The following RPTOR variants were observed in gnomAD, a reference collection of about 807,000 sequenced individuals.
RPTOR encodes regulatory associated protein of MTOR complex 1.
In RPTOR, 21 loss-of-function variants were observed where a neutral mutation model predicts 169.9. The observed-to-expected ratio is 0.12, with a 90% confidence interval of 0.09 to 0.18. RPTOR has a LOEUF of 0.18. Ranked by LOEUF, RPTOR falls within the 10% of genes least tolerant of loss-of-function variation. The probability of loss-of-function intolerance (pLI) is 1.00; values close to 1 mark genes in which losing one functional copy is unlikely to be tolerated. For synonymous variants in RPTOR, 732 were observed against 753.2 expected, an observed-to-expected ratio of 0.97 and a Z score of 0.46; for missense variants, 1,133 against 1,855.9, an observed-to-expected ratio of 0.61 and a Z score of 7.16.
chr17:80,583,093 T>C (rs1254870903), intron 1 of RPTOR, among the ~76,000 whole-genome samples: 2 of 151,664 alleles, frequency 1.3e-5, no homozygotes, highest in Non-Finnish European at 2.9e-5. Context: ...ATATTCTCAG[T>C]TATACTTTCA....
rs1268955320 is a variant in RPTOR at position 80,562,533 on chromosome 17, C to A, written c.162+16742C>A. 1.3e-5 allele frequency among the ~76,000 whole-genome samples: 2 copies of A among 152,210 alleles called. No homozygotes were observed. The highest frequency in any genetic ancestry group is 2.9e-5 in the Non-Finnish European group (2 of 68,042). Reference sequence around the variant, plus strand: ...GAGCAGTGGCTCATGCGTGTAATCCCAGCACTTTGGGAGGCTGAGGCGGAC... The same window carrying A: ...GAGCAGTGGCTCATGCGTGTAATCCAAGCACTTTGGGAGGCTGAGGCGGAC... On this transcript the variant is annotated intron_variant, in intron 1 of 33. Transcript: ENST00000306801. The surrounding 1 kb of genome is among the most constrained non-coding windows in gnomAD (Gnocchi z 4.4).
At chr17:80,896,723 C>A (rs907791839) in intron 20 of RPTOR, among the ~76,000 whole-genome samples, 3 of 152,346 alleles carry the variant, frequency 2.0e-5, no homozygotes, top group African/African-American at 7.2e-5. Flanking sequence ...GTGTCGACAG[C>A]AGCCTCACTG....
At chr17:80,706,853 A>G (rs981682737) in intron 3 of RPTOR, among the ~76,000 whole-genome samples, 1 of 152,230 alleles carries the variant, frequency 6.6e-6, no homozygotes, top group Non-Finnish European at 1.5e-5. Flanking sequence ...CCACCCAAGC[A>G]GGGAGCATCT....
In RPTOR at chr17:80,651,276, C is replaced by T. The variant is rs947714578; in HGVS notation, c.348+7466C>T. 1.3e-5 allele frequency among the ~76,000 whole-genome samples: 2 copies of T among 152,158 alleles called. No individual in the cohort carries two copies. On this transcript the variant is annotated intron_variant, in intron 3 of 33. Coordinates refer to ENST00000306801, the MANE Select transcript of RPTOR (RefSeq NM_020761.3). The surrounding 1 kb of genome is among the most constrained non-coding windows in gnomAD (Gnocchi z 4.1). Reference sequence around the variant, plus strand: ...TTGGAGGTGACGATGAGGAACCCACCGTATGCTCGCCATATGCAACTAGGA... The same window carrying T: ...TTGGAGGTGACGATGAGGAACCCACTGTATGCTCGCCATATGCAACTAGGA...
intron 1 of RPTOR, among the ~76,000 whole-genome samples, chr17:80,551,739 C>T (rs1186548784): frequency 1.3e-5 from 2 of 152,136 alleles, no homozygotes; most frequent in African/African-American, 4.8e-5. Context: ...TACTAATCCT[C>T]CTCAGCACAG....
At chr17:80,926,743 A>G (rs960939479) in intron 24 of RPTOR, among the ~76,000 whole-genome samples, 1 of 152,264 alleles carries the variant, frequency 6.6e-6, no homozygotes, top group Admixed American at 6.5e-5. Context: ...CTTCTCATAC[A>G]GACACAGATG....
At position 80,945,641 on chromosome 17, in the gene RPTOR, C is replaced by T. The variant is rs1272721687; in HGVS notation, c.3026-26C>T. 2.2e-6 allele frequency: 3 copies of T among 1,380,402 alleles called. No individual in the cohort carries two copies. In the East Asian group the frequency reaches 7.1e-5, roughly 33 times the overall value. The allele number at this position is 1,380,402 out of a possible 1,614,324, so 85.5% of individuals were successfully genotyped here. ...GGGGAAAAGATGCTGGCTCCTGGAT[C>T]CACTCTTGTGTGTTTCTTTTGACAG... On this transcript the variant is annotated intron_variant, in intron 25 of 33. Coordinates refer to ENST00000306801, the MANE Select transcript of RPTOR (RefSeq NM_020761.3).
At chr17:80,939,355 A>G (rs889727653) in intron 24 of RPTOR, among the ~76,000 whole-genome samples, 1 of 152,250 alleles carries the variant, frequency 6.6e-6, no homozygotes, top group East Asian at 1.9e-4. Flanking sequence ...GCACACACAC[A>G]GACACATGCA....
At chr17:80,619,342 C>T (rs1009526192) in intron 1 of RPTOR, among the ~76,000 whole-genome samples, 10 of 152,296 alleles carry the variant, frequency 6.6e-5, no homozygotes, top group African/African-American at 2.2e-4. Flanking sequence ...TGTCACTGCA[C>T]GTCAGCCTGT....
At chr17:80,905,919 T>C (rs2068536746) in intron 20 of RPTOR, among the ~76,000 whole-genome samples, 3 of 152,204 alleles carry the variant, frequency 2.0e-5, no homozygotes, top group East Asian at 1.9e-4. Context: ...GGTTCTCATA[T>C]AAGGCCAGCT....
intron 7 of RPTOR, among the ~76,000 whole-genome samples, chr17:80,796,005 C>T (rs995295579): frequency 6.6e-6 from 1 of 152,202 alleles, no homozygotes; most frequent in African/African-American, 2.4e-5. Flanking sequence ...ACCTACGACT[C>T]CCAGGCATCG....
intron 20 of RPTOR, among the ~76,000 whole-genome samples, chr17:80,897,435 CTAGT>C (rs2068420615): frequency 6.6e-6 from 1 of 152,134 alleles, no homozygotes; most frequent in Non-Finnish European, 1.5e-5. Context: ...CCATTCTATT[CTAGT>C]TAGTTAAGAA....
chr17:80,717,080 G>A (rs970609820), intron 4 of RPTOR, among the ~76,000 whole-genome samples: 1 of 152,020 alleles, frequency 6.6e-6, no homozygotes, highest in African/African-American at 2.4e-5. Flanking sequence ...ATGAGTTTTA[G>A]AATTGTTTTT....
rs2067184213 is a variant in RPTOR at position 80,803,501 on chromosome 17, C to T, written c.890+11992C>T. 1 of 152,372 alleles carries T rather than the reference C, an allele frequency of 6.6e-6. No individual in the cohort carries two copies. The highest frequency in any genetic ancestry group is 1.5e-5 in the Non-Finnish European group (1 of 68,148). The allele number at this position is 152,372 out of a possible 1,614,324, so 9.4% of individuals were successfully genotyped here. A position where few individuals can be genotyped will look rare whatever the true frequency, so the allele number is the denominator to read the frequency against. The stretch of plus-strand genomic sequence containing the variant: ...CCTGTGGCCCTTCAGAGAAAGGCCT[C>T]CCCGTTCTGATGTGCGTGTGTTGTC... On this transcript the variant is annotated intron_variant, in intron 7 of 33. Coordinates refer to ENST00000306801, the MANE Select transcript of RPTOR (RefSeq NM_020761.3). The surrounding 1 kb of genome is among the most constrained non-coding windows in gnomAD (Gnocchi z 6.2).
chr17:80,670,310 G>A (rs2065811994), intron 3 of RPTOR, among the ~76,000 whole-genome samples: 2 of 152,034 alleles, frequency 1.3e-5, no homozygotes, highest in Non-Finnish European at 1.5e-5. Flanking sequence ...TGTCCGTGTC[G>A]GGAATTTGCG....
intron 3 of RPTOR, among the ~76,000 whole-genome samples, chr17:80,663,334 G>A (rs945439959): frequency 1.3e-5 from 2 of 152,132 alleles, no homozygotes; most frequent in African/African-American, 4.8e-5. Flanking sequence ...CAGGTCATTG[G>A]GTGGTTGTAT....
At chr17:80,853,569 C>T (rs2067818418) in intron 11 of RPTOR, among the ~76,000 whole-genome samples, 1 of 152,114 alleles carries the variant, frequency 6.6e-6, no homozygotes, top group Non-Finnish European at 1.5e-5. Context: ...CATAAACACC[C>T]CTTGGATGAC....
At chr17:80,618,669 A>AT (rs1491067840) in intron 1 of RPTOR, among the ~76,000 whole-genome samples, 11 of 152,254 alleles carry the variant, frequency 7.2e-5, no homozygotes, top group Non-Finnish European at 1.3e-4. Flanking sequence ...GCCTAAAAAA[A>AT]GAGTAGTACT....
At chr17:80,833,330 G>A (rs948897751) in intron 9 of RPTOR, among the ~76,000 whole-genome samples, 13 of 152,310 alleles carry the variant, frequency 8.5e-5, no homozygotes, top group South Asian at 6.2e-4. Flanking sequence ...AGGAGCCCAC[G>A]ATGCAGATGA....
Sources: allele counts gnomAD v4.1 joint callset (sites outside exome capture counted in the v4.1 genomes callset), GRCh38; gene constraint gnomAD v4.1.1; non-coding constraint Gnocchi (gnomAD v3.1); transcripts MANE v1.5; gene names NCBI Gene and HGNC (gene_info 2026-07-23, HGNC 2026-07-21).